The following DVL3 variants were observed in gnomAD, a reference collection of about 807,000 sequenced individuals.
DVL3 encodes the protein segment polarity protein dishevelled homolog DVL-3.
DVL3 carries 27 observed loss-of-function variants against 67.4 expected under a neutral mutation model. The ratio of observed to expected loss-of-function variants is 0.40; its 90% CI spans 0.30 to 0.55. DVL3 has a LOEUF of 0.55. Among genes scored for constraint, DVL3 ranks in the 20% least tolerant of loss-of-function variants. The pLI, the probability that DVL3 is intolerant of heterozygous loss-of-function variation, is 0.46. For synonymous variants in DVL3, 369 were observed against 396.8 expected, an observed-to-expected ratio of 0.93 and a Z score of 0.83; for missense variants, 819 against 1,021.5, an observed-to-expected ratio of 0.80 and a Z score of 2.70.
intron 1 of DVL3, among the ~76,000 whole-genome samples, chr3:184,158,354 C>G (rs903241767): frequency 2.7e-5 from 4 of 149,330 alleles, no homozygotes; most frequent in African/African-American, 7.4e-5. Context: ...AAAAAGGAAA[C>G]TAGAGCACAG....
At chr3:184,156,734 C>A in intron 1 of DVL3, 1 of 301,778 alleles carries the variant, frequency 3.3e-6, no homozygotes, top group South Asian at 2.7e-5. Context: ...CCCTCGAACC[C>A]CCCCAACTCC....
chr3:184,170,807 CCT>C lies in DVL3; in HGVS notation c.*58_*59del. The C allele has an allele frequency of 1.2e-6, 2 of 1,604,050 alleles. No homozygotes were observed. The highest frequency in any genetic ancestry group is 1.1e-5 in the South Asian group (1 of 90,026). On this transcript the variant is annotated 3_prime_UTR_variant, in exon 15 of 15. Transcript: ENST00000313143. The surrounding 1 kb of genome is among the most constrained non-coding windows in gnomAD (Gnocchi z 6.5). ...CGCTCCCACCCCAGCCGGCTGCGTT[CCT>C]CTCTCCATCCGTCCGTCTTTTTTAC...
chr3:184,160,721 G>T (rs1340588112), intron 1 of DVL3, among the ~76,000 whole-genome samples: 1 of 152,198 alleles, frequency 6.6e-6, no homozygotes, highest in Admixed American at 6.5e-5. Flanking sequence ...GAGCAGTGTG[G>T]TGGGGCCTGC....
Position 184,164,517 on chromosome 3 carries a change from G to A in DVL3, c.379G>A (p.Glu127Lys). ...FHPHAGGGSQENLDNDTETDS... is the reference protein window; with the variant it reads ...FHPHAGGGSQKNLDNDTETDS... The stretch of plus-strand genomic sequence containing the variant: ...CCCTCATGCTGGTGGGGGCAGCCAG[G>A]AGAACCTGGACAATGACACAGAGAC... Residue 127 changes from glutamate (E) to lysine (K), a missense_variant, in exon 4 of 15, where the codon GAG becomes AAG. Around this residue, in one of 3 missense-constraint regions of DVL3, gnomAD observed 385 missense variants for 486.8 expected, o/e 0.79. Coordinates refer to ENST00000313143, the MANE Select transcript of DVL3 (RefSeq NM_004423.4). The surrounding 1 kb of genome is among the most constrained non-coding windows in gnomAD (Gnocchi z 5.3). 6.3e-7 allele frequency: 1 copy of A among 1,592,634 alleles called. No individual in the cohort carries two copies. Among genetic ancestry groups the A allele is most frequent in the Non-Finnish European group, 8.5e-7 (1 of 1,170,332 alleles).
In DVL3 at chr3:184,155,601, G is replaced by A. The variant is rs764204653; in HGVS notation, c.-35G>A. 2.2e-5 allele frequency: 27 copies of A among 1,229,768 alleles called. No homozygotes were observed. Among genetic ancestry groups the A allele is most frequent in the East Asian group, 3.7e-5 (1 of 27,060 alleles). The allele number at this position is 1,229,768 out of a possible 1,614,324, so 76.2% of individuals were successfully genotyped here. On this transcript the variant is annotated 5_prime_UTR_variant, in exon 1 of 15. Coordinates refer to ENST00000313143, the MANE Select transcript of DVL3 (RefSeq NM_004423.4). This position sits in a 1 kb window ranked among gnomAD's most constrained non-coding sequence, Gnocchi z 5.4. Reference sequence around the variant, plus strand: ...AGGCTCGGCCCGGCCGCCCGAGCAGGCCGCGCGCGGGCCGCCGGGCCCGAG... The same window carrying A: ...AGGCTCGGCCCGGCCGCCCGAGCAGACCGCGCGCGGGCCGCCGGGCCCGAG...
At position 184,170,380 on chromosome 3, in the gene DVL3, G is replaced by A; in HGVS notation, c.1776G>A (p.Lys592=). 6.2e-7 allele frequency: 1 copy of A among 1,605,662 alleles called. No individual in the cohort carries two copies. Among genetic ancestry groups the A allele is most frequent in the Non-Finnish European group, 8.5e-7 (1 of 1,176,372 alleles). Residue 592 remains lysine (K), a synonymous_variant, in exon 15 of 15, where the codon AAG becomes AAA. Coordinates refer to ENST00000313143, the MANE Select transcript of DVL3 (RefSeq NM_004423.4). The surrounding 1 kb of genome is among the most constrained non-coding windows in gnomAD (Gnocchi z 6.5). The part of the protein sequence containing the change: ...GSDRRKEKDP[K]AGDSKSGGSG... ...ATCGGAGGAAGGAGAAGGACCCGAA[G>A]GCCGGGGACTCCAAGTCCGGGGGCA... is the stretch of plus-strand genomic sequence containing the variant.
intron 13 of DVL3, among the ~76,000 whole-genome samples, chr3:184,169,625 T>C (rs1360595084): frequency 1.3e-5 from 2 of 151,870 alleles, no homozygotes; most frequent in Non-Finnish European, 2.9e-5. Flanking sequence ...GAGGAAGAGG[T>C]TGCAGGGAGC....
At position 184,167,526 on chromosome 3, in the gene DVL3, T is replaced by C. The variant is rs1371644539; in HGVS notation, c.1199-54T>C. 1 of 1,560,556 alleles carries C rather than the reference T, an allele frequency of 6.4e-7. No homozygotes were observed. The highest frequency in any genetic ancestry group is 8.8e-7 in the Non-Finnish European group (1 of 1,141,816). The stretch of plus-strand genomic sequence containing the variant: ...GGTAGAGCTAGAATGCAAACTCTTG[T>C]TTACCTAACTCCAAAGCCCCTTTCT... On this transcript the variant is annotated intron_variant, in intron 11 of 14. Coordinates refer to ENST00000313143, the MANE Select transcript of DVL3 (RefSeq NM_004423.4). The surrounding 1 kb of genome is among the most constrained non-coding windows in gnomAD (Gnocchi z 4.6).
At position 184,155,568 on chromosome 3, in the gene DVL3, C is replaced by G; in HGVS notation, c.-68C>G. On this transcript the variant is annotated 5_prime_UTR_variant, in exon 1 of 15. Transcript: ENST00000313143. This position sits in a 1 kb window ranked among gnomAD's most constrained non-coding sequence, Gnocchi z 5.4. ...GCTGGGCCGCGCCGCGCGCCGCCGC[C>G]GTCTGGGAGGCTCGGCCCGGCCGCC... 1.0e-6 allele frequency: 1 copy of G among 982,732 alleles called. No homozygotes were observed. The highest frequency in any genetic ancestry group is 1.2e-6 in the Non-Finnish European group (1 of 821,928). 60.9% of individuals were successfully genotyped at this position (982,732 alleles called of 1,614,324 possible). A position where few individuals can be genotyped will look rare whatever the true frequency, so the allele number is the denominator to read the frequency against.
rs747573721 is a variant in DVL3 at position 184,168,084 on chromosome 3, T to A, written c.1498+19T>A. ...TGCGGCAGTATGTGCCTCCCTCATC[T>A]TCTTGCCCTGTCTCCTGGCTGGGAG... On this transcript the variant is annotated intron_variant, in intron 13 of 14. Coordinates refer to ENST00000313143, the MANE Select transcript of DVL3 (RefSeq NM_004423.4). The A allele has an allele frequency of 6.9e-6, 11 of 1,604,940 alleles. No homozygotes were observed. Among genetic ancestry groups the A allele is most frequent in the Middle Eastern group, 3.3e-4 (2 of 6,022 alleles).
At position 184,166,452 on chromosome 3, in the gene DVL3, G is replaced by C; in HGVS notation, c.910G>C (p.Glu304Gln). The change falls in exon 9 of 15, where the codon GAG becomes CAG. Residue 304 changes from glutamate (E) to glutamine (Q), a missense_variant. Physicochemically the swap from Glu to Gln is conservative, Grantham distance 29 (BLOSUM62 2). Around this residue, in one of 3 missense-constraint regions of DVL3, gnomAD observed 385 missense variants for 486.8 expected, o/e 0.79. Coordinates refer to ENST00000313143, the MANE Select transcript of DVL3 (RefSeq NM_004423.4). The surrounding 1 kb of genome is among the most constrained non-coding windows in gnomAD (Gnocchi z 6.7). ...EPGDMLLQVN[E>Q]INFENMSNDD... ...ACTCCTGGTCCTTTCCCAGGTAAAC[G>C]AGATCAACTTTGAGAACATGAGTAA... is the stretch of plus-strand genomic sequence containing the variant. 1.9e-6 allele frequency: 3 copies of C among 1,614,156 alleles called. No homozygotes were observed. The highest frequency in any genetic ancestry group is 2.5e-6 in the Non-Finnish European group (3 of 1,180,020).
Position 184,170,981 on chromosome 3 carries a change from C to A in DVL3, c.*226C>A. The A allele has an allele frequency of 1.3e-6, 2 of 1,511,796 alleles. No homozygotes were observed. Among genetic ancestry groups the A allele is most frequent in the Non-Finnish European group, 8.8e-7 (1 of 1,131,230 alleles). 93.6% of individuals were successfully genotyped at this position (1,511,796 alleles called of 1,614,324 possible). A position where few individuals can be genotyped will look rare whatever the true frequency, so the allele number is the denominator to read the frequency against. ...GGCCCCAGTTCGTTTCCTCTGCCCA[C>A]TAATCCCTGCGCAGGACTTCCCAGG... On this transcript the variant is annotated 3_prime_UTR_variant, in exon 15 of 15. Transcript: ENST00000313143. This position sits in a 1 kb window ranked among gnomAD's most constrained non-coding sequence, Gnocchi z 6.5.
At position 184,166,787 on chromosome 3, in the gene DVL3, G is replaced by T. The variant is rs775684211; in HGVS notation, c.1049-39G>T. ...TCTATCCTGTTGGGCCCAGCAGTGG[G>T]TGGGGTGGGTAGCCCATGACTCCTC... On this transcript the variant is annotated intron_variant, in intron 10 of 14. Transcript: ENST00000313143. This position sits in a 1 kb window ranked among gnomAD's most constrained non-coding sequence, Gnocchi z 6.7. The T allele has an allele frequency of 6.2e-7, 1 of 1,613,530 alleles. No homozygotes were observed. Among genetic ancestry groups the T allele is most frequent in the Non-Finnish European group, 8.5e-7 (1 of 1,179,664 alleles).
rs1289405777 is a variant in DVL3 at position 184,170,657 on chromosome 3, C to T, written c.2053C>T (p.Arg685Cys). ...AMGPPGAPPG[R>C]DLASVPPELT... is the part of the protein sequence containing the mutation. ...GGGGCCCCCAGGAGCCCCTCCGGGCCGCGACCTGGCCTCAGTGCCCCCGGA... is the reference window on the plus strand; with the variant it reads ...GGGGCCCCCAGGAGCCCCTCCGGGCTGCGACCTGGCCTCAGTGCCCCCGGA... Residue 685 changes from arginine to cysteine, a missense_variant, in exon 15 of 15, where the codon CGC becomes TGC. Around this residue, in one of 3 missense-constraint regions of DVL3, gnomAD observed 324 missense variants for 331.3 expected, o/e 0.98. Transcript: ENST00000313143. The surrounding 1 kb of genome is among the most constrained non-coding windows in gnomAD (Gnocchi z 6.5). 8 of 1,612,692 alleles carry T rather than the reference C, an allele frequency of 5.0e-6. No individual in the cohort carries two copies. The highest frequency in any genetic ancestry group is 1.6e-4 in the Middle Eastern group (1 of 6,078).
In DVL3 at chr3:184,163,260, A is replaced by G. The variant is rs145885524; in HGVS notation, c.162-397A>G. ...ACAACAATGTTAGGATTCCCACTTA[A>G]GAAAGGAAGGACAGTTATAATTGTA... On this transcript the variant is annotated intron_variant, in intron 1 of 14. Coordinates refer to ENST00000313143, the MANE Select transcript of DVL3 (RefSeq NM_004423.4). The surrounding 1 kb of genome is among the most constrained non-coding windows in gnomAD (Gnocchi z 4.5). 1.3e-3 allele frequency among the ~76,000 whole-genome samples: 205 copies of G among 152,346 alleles called. No individual in the cohort carries two copies. The highest frequency in any genetic ancestry group is 4.9e-3 in the African/African-American group (202 of 41,574).
Position 184,167,655 on chromosome 3 carries a change from G to A in DVL3, c.1274G>A (p.Gly425Glu). 1 of 1,614,162 alleles carries A rather than the reference G, an allele frequency of 6.2e-7. No homozygotes were observed. Among genetic ancestry groups the A allele is most frequent in the East Asian group, 2.2e-5 (1 of 44,890 alleles). ...IVKAMASPESGLEVRDRMWLK... is the reference protein window; with the variant it reads ...IVKAMASPESELEVRDRMWLK... The stretch of plus-strand genomic sequence containing the variant: ...AAAGCCATGGCCTCCCCTGAATCAG[G>A]GTTGGAGGTCCGTGACCGCATGTGG... The change falls in exon 12 of 15, where the codon GGG becomes GAG. Residue 425 changes from glycine (G) to glutamate (E), a missense_variant. This residue lies in a region of DVL3 where 110 missense variants were observed against 203.4 expected (regional missense o/e 0.54). Transcript: ENST00000313143. This position sits in a 1 kb window ranked among gnomAD's most constrained non-coding sequence, Gnocchi z 4.6.
In DVL3 at chr3:184,171,110, C is replaced by A; in HGVS notation, c.*355C>A. On this transcript the variant is annotated 3_prime_UTR_variant, in exon 15 of 15. Transcript: ENST00000313143. Reference sequence around the variant, plus strand: ...CCAGCAATGACCTTGGTGGCACGCTCACTCCCTCATTCTCTCGTTTCCCCT... The same window carrying A: ...CCAGCAATGACCTTGGTGGCACGCTAACTCCCTCATTCTCTCGTTTCCCCT... 8.2e-7 allele frequency: 1 copy of A among 1,217,682 alleles called. No individual in the cohort carries two copies. The highest frequency in any genetic ancestry group is 1.0e-6 in the Non-Finnish European group (1 of 965,446). 75.4% of individuals were successfully genotyped at this position (1,217,682 alleles called of 1,614,324 possible).
rs1714814626 is a variant in DVL3, at chr3:184,170,962, A to C, written c.*207A>C. On this transcript the variant is annotated 3_prime_UTR_variant, in exon 15 of 15. Coordinates refer to ENST00000313143, the MANE Select transcript of DVL3 (RefSeq NM_004423.4). This position sits in a 1 kb window ranked among gnomAD's most constrained non-coding sequence, Gnocchi z 6.5. Reference sequence around the variant, plus strand: ...AGCCCCCTAACCTGCCTCTGGCCCCAGTTCGTTTCCTCTGCCCACTAATCC... The same window carrying C: ...AGCCCCCTAACCTGCCTCTGGCCCCCGTTCGTTTCCTCTGCCCACTAATCC... The C allele has an allele frequency of 6.6e-7, 1 of 1,525,190 alleles. No homozygotes were observed. 94.5% of individuals were successfully genotyped at this position (1,525,190 alleles called of 1,614,324 possible).
chr3:184,165,360 A>G lies in DVL3; in HGVS notation c.694-62A>G. 1 of 1,571,134 alleles carries G rather than the reference A, an allele frequency of 6.4e-7. No individual in the cohort carries two copies. Among genetic ancestry groups the G allele is most frequent in the Middle Eastern group, 1.7e-4 (1 of 5,926 alleles). On this transcript the variant is annotated intron_variant, in intron 6 of 14. Coordinates refer to ENST00000313143, the MANE Select transcript of DVL3 (RefSeq NM_004423.4). This position sits in a 1 kb window ranked among gnomAD's most constrained non-coding sequence, Gnocchi z 4.1. ...GCACCGGGGACTCACCTTGAGGAGG[A>G]GTCAGGTGGGAGTGAATTCCTGCCA...
Sources: allele counts gnomAD v4.1 joint callset (sites outside exome capture counted in the v4.1 genomes callset), GRCh38; gene constraint gnomAD v4.1.1; regional missense constraint gnomAD v4.1.1; non-coding constraint Gnocchi (gnomAD v3.1); transcripts MANE v1.5; gene names NCBI Gene and HGNC (gene_info 2026-07-23, HGNC 2026-07-21).